DGKB: variants seen among roughly 807,000 people sequenced by gnomAD.
DGKB encodes diacylglycerol kinase beta.
In DGKB, 67 loss-of-function variants were observed where a neutral mutation model predicts 114.3. That is an observed-to-expected ratio of 0.59 (90% CI 0.48 to 0.72). The LOEUF (loss-of-function observed/expected upper bound fraction) is 0.72, where lower values mean the gene tolerates loss of function less well. Ranked by LOEUF, DGKB falls within the 30% of genes least tolerant of loss-of-function variation. The pLI is 0.00. For missense variants in DGKB, 907 were observed against 975.2 expected (o/e 0.93, Z 0.93); for synonymous variants, 398 against 323.1 (o/e 1.23, Z -2.49).
chr7:14,280,233 T>C (rs372563795), intron 23 of DGKB, among the ~76,000 whole-genome samples: 1 of 152,002 alleles, frequency 6.6e-6, no homozygotes, highest in African/African-American at 2.4e-5. Context: ...CAGGAGCTGA[T>C]GCGATCAACT....
chr7:14,193,997 A>C (rs1314515147), intron 23 of DGKB, among the ~76,000 whole-genome samples: 5 of 152,292 alleles, frequency 3.3e-5, no homozygotes, highest in African/African-American at 9.6e-5. Flanking sequence ...CCACAACGAG[A>C]TGTTACTTCA....
At chr7:14,629,430 A>G (rs1359580756) in intron 14 of DGKB, among the ~76,000 whole-genome samples, 1 of 151,908 alleles carries the variant, frequency 6.6e-6, no homozygotes, top group African/African-American at 2.4e-5. Flanking sequence ...TGGTGGGGAG[A>G]AAAGAGCAGT....
intron 25 of DGKB, among the ~76,000 whole-genome samples, chr7:14,167,663 G>A (rs745783776): frequency 6.6e-6 from 1 of 152,124 alleles, no homozygotes; most frequent in Non-Finnish European, 1.5e-5. Flanking sequence ...TCATCACCAA[G>A]TTTTCAGACA....
At chr7:14,274,309 T>C (rs999121192) in intron 23 of DGKB, among the ~76,000 whole-genome samples, 1 of 152,178 alleles carries the variant, frequency 6.6e-6, no homozygotes, top group Non-Finnish European at 1.5e-5. Flanking sequence ...TATTTTATTT[T>C]TTCTCTCGGC....
At chr7:14,782,977 T>A (rs57816809) in intron 2 of DGKB, among the ~76,000 whole-genome samples, 3,279 of 152,258 alleles carry the variant, frequency 0.022, 89 homozygotes, top group African/African-American at 0.07. Context: ...GGATTACAGA[T>A]GTGAGCCTGT....
chr7:14,665,316 T>C (rs903418769), intron 13 of DGKB, among the ~76,000 whole-genome samples: 1 of 151,680 alleles, frequency 6.6e-6, no homozygotes, highest in Non-Finnish European at 1.5e-5. Flanking sequence ...CACTTATAAA[T>C]GAGAGCTCGA....
chr7:14,216,026 A>T (rs1562644106), intron 23 of DGKB, among the ~76,000 whole-genome samples: 1 of 152,182 alleles, frequency 6.6e-6, no homozygotes, highest in Non-Finnish European at 1.5e-5. Flanking sequence ...TTAGAACTTT[A>T]AAGAGTTGAA....
intron 23 of DGKB, among the ~76,000 whole-genome samples, chr7:14,260,484 C>G (rs117754483): frequency 0.014 from 2,195 of 152,260 alleles, 67 homozygotes; most frequent in East Asian, 0.11. Context: ...TAAACTCAGA[C>G]CTCAATAAGG....
At chr7:14,333,875 G>A (rs1464904646) in intron 23 of DGKB, among the ~76,000 whole-genome samples, 1 of 152,126 alleles carries the variant, frequency 6.6e-6, no homozygotes, top group African/African-American at 2.4e-5. Context: ...GAATTGCAAA[G>A]CTTCAATTAG....
intron 2 of DGKB, among the ~76,000 whole-genome samples, chr7:14,791,784 C>A (rs1207832941): frequency 1.3e-5 from 2 of 152,166 alleles, no homozygotes; most frequent in African/African-American, 2.4e-5. Context: ...CATAATTGGA[C>A]ATGACGTATC....
intron 23 of DGKB, among the ~76,000 whole-genome samples, chr7:14,330,128 G>C (rs1481711057): frequency 1.3e-5 from 2 of 151,924 alleles, no homozygotes; most frequent in Admixed American, 6.6e-5. Flanking sequence ...TTTTAGAATA[G>C]CATGTAGAAT....
intron 6 of DGKB, among the ~76,000 whole-genome samples, chr7:14,704,447 C>CA (rs774905779): frequency 0.011 from 578 of 52,890 alleles, 5 homozygotes; most frequent in East Asian, 0.027. Context: ...GACTCCATCT[C>CA]AAAAAAAAAA....
chr7:14,715,705 T>C (rs993229712), intron 6 of DGKB, among the ~76,000 whole-genome samples: 1 of 152,154 alleles, frequency 6.6e-6, no homozygotes, highest in African/African-American at 2.4e-5. Flanking sequence ...GATTGCTAGA[T>C]ACTGGGAAAC....
At chr7:14,231,212 C>T (rs1160536817) in intron 23 of DGKB, among the ~76,000 whole-genome samples, 2 of 151,158 alleles carry the variant, frequency 1.3e-5, no homozygotes, top group Non-Finnish European at 2.9e-5. Flanking sequence ...TAGCTCACTA[C>T]AGCCTTGAAC....
intron 21 of DGKB, among the ~76,000 whole-genome samples, chr7:14,436,134 G>A (rs1829224624): frequency 6.6e-6 from 1 of 152,076 alleles, no homozygotes; most frequent in South Asian, 2.1e-4. Flanking sequence ...AAATTTGAGA[G>A]ATCTGCTGCA....
chr7:14,823,998 T>C (rs1169858854), intron 2 of DGKB, among the ~76,000 whole-genome samples: 1 of 152,180 alleles, frequency 6.6e-6, no homozygotes, highest in East Asian at 1.9e-4. Context: ...CTCACAATCA[T>C]GGCAGAAGGT....
intron 1 of DGKB, among the ~76,000 whole-genome samples, chr7:14,923,154 G>C (rs1247309799): frequency 1.3e-5 from 2 of 152,130 alleles, no homozygotes; most frequent in South Asian, 4.1e-4. Context: ...TCAGCTGTCT[G>C]TCAAATTGTG....
rs144823290 is a variant in DGKB at position 14,781,369 on chromosome 7, C to T, written c.71-23638G>A. Among the ~76,000 whole-genome samples the T allele has an allele frequency of 1.7e-3, 262 of 152,304 alleles. 1 individual carries two copies. Among genetic ancestry groups the T allele is most frequent in the African/African-American group, 6.0e-3 (248 of 41,554 alleles). The stretch of plus-strand genomic sequence containing the variant: ...CAATTAGAAATTAGTATTCTTTACA[C>T]CAGCTGAATGCAAATACTACACATC... On this transcript the variant is annotated intron_variant, in intron 2 of 25. Coordinates refer to ENST00000402815, the MANE Select transcript of DGKB (RefSeq NM_001350709.2).
chr7:14,932,185 G>C (rs1785054568), intron 1 of DGKB, among the ~76,000 whole-genome samples: 1 of 152,104 alleles, frequency 6.6e-6, no homozygotes, highest in Admixed American at 6.6e-5. Context: ...TGGGAAGATG[G>C]GCTGCAGAAA....
Sources: gnomAD v4.1 joint callset for allele counts (sites outside exome capture counted in the v4.1 genomes callset) on GRCh38, gnomAD v4.1.1 for gene constraint, MANE v1.5 for transcripts, NCBI Gene and HGNC (gene_info 2026-07-23, HGNC 2026-07-21) for gene names.